ZNF469: variants seen among roughly 807,000 people sequenced by gnomAD.
ZNF469 encodes the protein zinc finger protein 469.
In ZNF469, 1 loss-of-function variant was observed where a neutral mutation model predicts 1.0. The ratio of observed to expected loss-of-function variants is 1.00; its 90% CI spans 0.35 to 4.73. The LOEUF is 4.73. ZNF469 is among the 30% of genes most tolerant of loss of function. The pLI is 0.16. For synonymous variants in ZNF469, 2,703 were observed against 2,363.4 expected, an observed-to-expected ratio of 1.14 and a Z score of -4.17; for missense variants, 6,100 against 5,356.3, an observed-to-expected ratio of 1.14 and a Z score of -4.33.
chr16:88,109,738 C>T, the ZNF469 span, among the ~76,000 whole-genome samples: 1 of 150,742 alleles, frequency 6.6e-6, no homozygotes, highest in South Asian at 2.1e-4. Context: ...AGGTGCTGAG[C>T]GTCTGTGTCC....
At chr16:88,382,513 C>CTCCTTATGGTGCCTTCGAGGGCCAACTTG (rs2092527853), upstream of ZNF469, among the ~76,000 whole-genome samples, 1 of 152,218 alleles carries the variant, frequency 6.6e-6, no homozygotes, top group Admixed American at 6.5e-5. Context: ...CCATGGGGAC[C>CTCCTTATGGTGCCTTCGAGGGCCAACTTG]TCCTTATGGT....
chr16:88,196,990 G>C, the ZNF469 span, among the ~76,000 whole-genome samples: 2 of 152,206 alleles, frequency 1.3e-5, no homozygotes, highest in Admixed American at 1.3e-4. Flanking sequence ...TCATGTCTGA[G>C]CTGGGCTCCC....
At chr16:88,149,271 C>T in the ZNF469 span, among the ~76,000 whole-genome samples, 6 of 152,204 alleles carry the variant, frequency 3.9e-5, no homozygotes, top group East Asian at 1.9e-4. Context: ...TGGGAGACCT[C>T]CGTGGGCTCT....
At chr16:88,213,642 G>A in the ZNF469 span, among the ~76,000 whole-genome samples, 1 of 152,044 alleles carries the variant, frequency 6.6e-6, no homozygotes, top group South Asian at 2.1e-4. Flanking sequence ...TTTCCAAAGG[G>A]TGCCTCCTCC....
chr16:88,111,527 C>T, the ZNF469 span, among the ~76,000 whole-genome samples: 1 of 148,696 alleles, frequency 6.7e-6, no homozygotes, highest in Non-Finnish European at 1.5e-5. Context: ...TAACATCCCC[C>T]CCACTTCCCT....
At chr16:88,183,563 A>G in the ZNF469 span, among the ~76,000 whole-genome samples, 992 of 152,274 alleles carry the variant, frequency 6.5e-3, 9 homozygotes, top group Non-Finnish European at 0.01. Context: ...TCACAGGACA[A>G]TTCTGGAGGA....
upstream of ZNF469, among the ~76,000 whole-genome samples, chr16:88,380,698 TCACACTCAGACATGCACTCATA>T (rs1190337991): frequency 8.5e-6 from 1 of 117,566 alleles, no homozygotes; most frequent in African/African-American, 3.4e-5. Context: ...ACACATGCAC[TCACACTCAGACATGCACTCATA>T]CACACACAGA....
chr16:88,317,407 G>A, the ZNF469 span, among the ~76,000 whole-genome samples: 4 of 152,212 alleles, frequency 2.6e-5, no homozygotes, highest in African/African-American at 4.8e-5. Flanking sequence ...ACCTTTGCAC[G>A]CTGGCCAGGG....
the ZNF469 span, among the ~76,000 whole-genome samples, chr16:88,151,788 C>T: frequency 1.3e-5 from 2 of 152,226 alleles, no homozygotes; most frequent in African/African-American, 4.8e-5. This position sits in a 1 kb window ranked among gnomAD's most constrained non-coding sequence, Gnocchi z 5.4. Flanking sequence ...CTCCCAAGAA[C>T]CTGAGCCCAG....
At chr16:88,334,870 C>T in the ZNF469 span, among the ~76,000 whole-genome samples, 1,151 of 150,332 alleles carry the variant, frequency 7.7e-3, 14 homozygotes, top group African/African-American at 0.027. Context: ...ACGTGGGAGC[C>T]GTGAAGGAAG....
At chr16:88,368,698 C>T in the ZNF469 span, among the ~76,000 whole-genome samples, 1 of 151,284 alleles carries the variant, frequency 6.6e-6, no homozygotes, top group Non-Finnish European at 1.5e-5. Flanking sequence ...AGAGATTGGC[C>T]CAGAAGAACG....
At chr16:88,399,609 C>T (rs190533310) in intron 1 of ZNF469, among the ~76,000 whole-genome samples, 1 of 152,304 alleles carries the variant, frequency 6.6e-6, no homozygotes, top group Admixed American at 6.5e-5. Context: ...ATCTGTGGTG[C>T]CTCCCAGCTG....
chr16:88,419,591 C>G (rs1166817664), intron 1 of ZNF469, among the ~76,000 whole-genome samples: 1 of 152,174 alleles, frequency 6.6e-6, no homozygotes, highest in African/African-American at 2.4e-5. Flanking sequence ...GGACAGCCTC[C>G]CTAACCCCCG....
the ZNF469 span, among the ~76,000 whole-genome samples, chr16:88,366,689 TCATCATCATCACCATCAC>T: frequency 6.7e-6 from 1 of 149,906 alleles, no homozygotes; most frequent in African/African-American, 2.5e-5. Flanking sequence ...ACCATCACCA[TCATCATCATCACCATCAC>T]CATCATCATC....
Position 88,430,680 on chromosome 16 carries a change from C to A in ZNF469, c.3210C>A (p.Gly1070=), listed in dbSNP as rs755295096. ...ACCGGCGGCTGGGGCGGCGGGCGGG[C>A]AGGTGCGGCTCCCTGGCGGCGGGGA... The part of the protein sequence containing the change: ...RRHRRLGRRA[G]RCGSLAAGRP... The change falls in exon 3 of 3, where the codon GGC becomes GGA. Residue 1070 remains glycine (G), a synonymous_variant. Coordinates refer to ENST00000565624, the MANE Select transcript of ZNF469 (RefSeq NM_001367624.2). 6.7e-7 allele frequency: 1 copy of A among 1,493,338 alleles called. No individual in the cohort carries two copies. Among genetic ancestry groups the A allele is most frequent in the South Asian group, 1.3e-5 (1 of 78,942 alleles). The allele number at this position is 1,493,338 out of a possible 1,614,324, so 92.5% of individuals were successfully genotyped here. A position where few individuals can be genotyped will look rare whatever the true frequency, so the allele number is the denominator to read the frequency against.
intron 1 of ZNF469, among the ~76,000 whole-genome samples, chr16:88,405,282 C>CA (rs1904995949): frequency 7.1e-6 from 1 of 140,278 alleles, no homozygotes; most frequent in Admixed American, 6.9e-5. Flanking sequence ...GGCTGGCACA[C>CA]GGGTAGCCCC....
At chr16:88,159,187 A>T in the ZNF469 span, among the ~76,000 whole-genome samples, 3 of 82,316 alleles carry the variant, frequency 3.6e-5, no homozygotes, top group Non-Finnish European at 9.4e-5. Context: ...TGTCCTGGTC[A>T]CGGATGCTCA....
the ZNF469 span, among the ~76,000 whole-genome samples, chr16:88,302,236 C>G: frequency 2.0e-5 from 3 of 152,374 alleles, no homozygotes; most frequent in East Asian, 5.8e-4. Flanking sequence ...GTTCCCGCTG[C>G]TGTCGGAGTG....
chr16:88,229,204 A>G, the ZNF469 span, among the ~76,000 whole-genome samples: 2,370 of 152,312 alleles, frequency 0.016, 58 homozygotes, highest in African/African-American at 0.055. Flanking sequence ...CAATTTTCCA[A>G]TATTTTTCTC....
Sources: gnomAD v4.1 joint callset for allele counts (sites outside exome capture counted in the v4.1 genomes callset) on GRCh38, gnomAD v4.1.1 for gene constraint, Gnocchi (gnomAD v3.1) non-coding constraint, MANE v1.5 for transcripts, NCBI Gene and HGNC (gene_info 2026-07-23, HGNC 2026-07-21) for gene names.